Variants in ZBTB11 observed in about 807,000 individuals in gnomAD.
The protein encoded by ZBTB11 is zinc finger and BTB domain-containing protein 11.
ZBTB11 carries 68 observed loss-of-function variants against 113.1 expected under a neutral mutation model. The ratio of observed to expected loss-of-function variants is 0.60; its 90% CI spans 0.49 to 0.74. The LOEUF (loss-of-function observed/expected upper bound fraction) is 0.74. Among genes scored for constraint, ZBTB11 ranks in the 30% least tolerant of loss-of-function variants. ZBTB11 has a pLI of 0.00. For synonymous variants in ZBTB11, 518 were observed against 452.6 expected, an observed-to-expected ratio of 1.14 and a Z score of -1.83; for missense variants, 1,104 against 1,279.4, an observed-to-expected ratio of 0.86 and a Z score of 2.09.
At chr3:101,659,366 T>C (rs1442007604) in intron 6 of ZBTB11, among the ~76,000 whole-genome samples, 3 of 152,224 alleles carry the variant, frequency 2.0e-5, no homozygotes, top group Non-Finnish European at 4.4e-5. Context: ...CCTTGAGTCT[T>C]ATTTTGGCAT....
rs1468128618 is a variant in ZBTB11, at chr3:101,659,617, A to C, written c.2046+166T>G. ...TACAACTTCAGAGAGCAAATTAAAA[A>C]ACACCATAGGGAATCACCTTTGATC... is the stretch of plus-strand genomic sequence containing the variant. On this transcript the variant is annotated intron_variant, in intron 6 of 10. Transcript: ENST00000312938. Among the ~76,000 whole-genome samples, 4 of 152,212 alleles carry C rather than the reference A, an allele frequency of 2.6e-5. No homozygotes were observed. The East Asian group carries it at 7.7e-4, about 29-fold the overall frequency.
chr3:101,653,028 A>T, intron 8 of ZBTB11, 90 bp from the exon 9 acceptor site: 1 of 1,342,016 alleles, frequency 7.5e-7, no homozygotes, highest in Non-Finnish European at 1.0e-6. Context: ...GTTTTTTAGA[A>T]CTCCAAAAGA....
intron 10 of ZBTB11, among the ~76,000 whole-genome samples, chr3:101,652,187 G>A (rs953376910): frequency 2.0e-5 from 3 of 151,650 alleles, no homozygotes; most frequent in Non-Finnish European, 4.4e-5. Flanking sequence ...ATCTTCCTGC[G>A]GACAGATGTG....
chr3:101,660,045 AT>A lies in ZBTB11; in HGVS notation c.1801-18del. 1 of 1,603,752 alleles carries A rather than the reference AT, an allele frequency of 6.2e-7. No homozygotes were observed. The highest frequency in any genetic ancestry group is 1.1e-5 in the South Asian group (1 of 89,968). On this transcript the variant is annotated intron_variant, in intron 5 of 10. Coordinates refer to ENST00000312938, the MANE Select transcript of ZBTB11 (RefSeq NM_014415.4). Reference sequence around the variant, plus strand: ...TTTACACAACTAAAAGAAAAATAAAATTCTCTCTAAATGTATTTCCATTACA... The same window carrying A: ...TTTACACAACTAAAAGAAAAATAAAATCTCTCTAAATGTATTTCCATTACA...
intron 1 of ZBTB11, among the ~76,000 whole-genome samples, chr3:101,673,678 T>C (rs561686386): frequency 1.1e-4 from 17 of 152,180 alleles, no homozygotes; most frequent in African/African-American, 3.6e-4. Context: ...CACACCTGGC[T>C]AATTTTTTGT....
chr3:101,668,521 C>T (rs181842234), intron 3 of ZBTB11, among the ~76,000 whole-genome samples: 26 of 151,406 alleles, frequency 1.7e-4, no homozygotes, highest in Middle Eastern at 3.4e-3. Context: ...CCCACCTACA[C>T]GGGAGGCCAA....
Position 101,664,577 on chromosome 3 carries a change from G to A in ZBTB11, c.1761C>T (p.His587=), listed in dbSNP as rs34474055. ...CTCTAGCTCTTTCATGTTTCAGTTT[G>A]TGCATTATAAGGGCGTATCGTCTCT... ...VFQRRYALIM[H]KLKHERARDY... The change falls in exon 5 of 11, where the codon CAC becomes CAT. Residue 587 remains histidine, a synonymous_variant. Transcript: ENST00000312938. 9.0e-3 allele frequency: 14,499 copies of A among 1,609,808 alleles called. 1,177 individuals carry two copies. The African/African-American group carries it at 0.17, about 19-fold the overall frequency.
chr3:101,656,636 C>T (rs1308017240), intron 6 of ZBTB11, among the ~76,000 whole-genome samples: 1 of 152,086 alleles, frequency 6.6e-6, no homozygotes, highest in Non-Finnish European at 1.5e-5. Context: ...TGATGAAGAA[C>T]TAATTATTTT....
chr3:101,670,932 G>A, intron 3 of ZBTB11, 198 bp downstream of exon 3: 1 of 545,610 alleles, frequency 1.8e-6, no homozygotes, highest in Non-Finnish European at 3.3e-6. Flanking sequence ...TTAAGACGTA[G>A]TGAAAGGAAA....
In ZBTB11 at chr3:101,676,804, G is replaced by A. The variant is rs367563110; in HGVS notation, c.111C>T (p.Ala37=). 1.9e-4 allele frequency: 306 copies of A among 1,612,180 alleles called. 1 individual carries two copies. Among genetic ancestry groups the A allele is most frequent in the Non-Finnish European group, 5.7e-5 (67 of 1,179,594 alleles). Residue 37 remains alanine, a synonymous_variant, in exon 1 of 11, where the codon GCC becomes GCT. Transcript: ENST00000312938. ...GNVKRKIRKA[A]ACYVVRGGTL... is the part of the protein sequence containing the mutation. The stretch of plus-strand genomic sequence containing the variant: ...TCCCGCCGCGCACCACGTAGCAGGC[G>A]GCAGCTTTTCGGATTTTACGCTTGA...
intron 6 of ZBTB11, among the ~76,000 whole-genome samples, chr3:101,657,631 G>A (rs866178671): frequency 6.6e-6 from 1 of 151,984 alleles, no homozygotes; most frequent in Non-Finnish European, 1.5e-5. Context: ...AAGGGTACAT[G>A]AGAGTTCAAC....
chr3:101,666,139 A>C (rs1359115419), intron 3 of ZBTB11, among the ~76,000 whole-genome samples: 6 of 151,740 alleles, frequency 4.0e-5, no homozygotes, highest in Non-Finnish European at 8.8e-5. Flanking sequence ...TGGAGGGTTA[A>C]AAAAAAAGAG....
At chr3:101,672,988 T>C (rs1046194421) in intron 1 of ZBTB11, among the ~76,000 whole-genome samples, 7 of 152,248 alleles carry the variant, frequency 4.6e-5, no homozygotes, top group African/African-American at 1.7e-4. Flanking sequence ...GGAACAGGAC[T>C]ACTACAAAAC....
intron 1 of ZBTB11, 84 bp downstream of exon 1, chr3:101,676,521 C>G (rs1937176845): frequency 2.2e-6 from 3 of 1,353,006 alleles, no homozygotes; most frequent in Admixed American, 3.5e-5. Context: ...CCCTCCGACT[C>G]GTGGGTACGC....
rs1251987599 is a variant in ZBTB11, at chr3:101,664,632, T to A, written c.1706A>T (p.His569Leu). 1 of 1,613,844 alleles carries A rather than the reference T, an allele frequency of 6.2e-7. No homozygotes were observed. The highest frequency in any genetic ancestry group is 8.5e-7 in the Non-Finnish European group (1 of 1,179,946). The change falls in exon 5 of 11, where the codon CAT (histidine) becomes CTT (leucine). Residue 569 changes from histidine to leucine, a missense_variant. By Grantham distance (99) the His-to-Leu change is moderately conservative. Coordinates refer to ENST00000312938, the MANE Select transcript of ZBTB11 (RefSeq NM_014415.4). ...DAKENTEEAS[H>L]KCGECGMVFQ... ...AACCATTCCACATTCCCCACATTTA[T>A]GAGATGCTTCTTCTGTGTTCTCTTT...
intron 7 of ZBTB11, among the ~76,000 whole-genome samples, chr3:101,655,629 A>G (rs1936781779): frequency 6.6e-6 from 1 of 152,208 alleles, no homozygotes; most frequent in African/African-American, 2.4e-5. Flanking sequence ...TATTCCATAC[A>G]CAAACATAGC....
At chr3:101,661,240 A>C (rs577237303) in intron 5 of ZBTB11, among the ~76,000 whole-genome samples, 32 of 143,650 alleles carry the variant, frequency 2.2e-4, no homozygotes, top group African/African-American at 9.2e-4. Flanking sequence ...TCTCAAAAAA[A>C]AAAAAAAAAA....
At chr3:101,655,648 C>G (rs974108497) in intron 7 of ZBTB11, among the ~76,000 whole-genome samples, 12 of 151,606 alleles carry the variant, frequency 7.9e-5, no homozygotes, top group African/African-American at 2.7e-4. Context: ...GCTGTAAAAC[C>G]AGATCTGAGA....
chr3:101,659,970 G>A lies in ZBTB11; in HGVS notation c.1859C>T (p.Thr620Ile), dbSNP rs1269421315. Residue 620 changes from threonine (T) to isoleucine (I), a missense_variant, in exon 6 of 11, where the codon ACC becomes ATC. Thr to Ile is a moderately conservative substitution (Grantham distance 89). Coordinates refer to ENST00000312938, the MANE Select transcript of ZBTB11 (RefSeq NM_014415.4). ...GGATGAAGAGGGTGCATCTTTTCTG[G>A]TATGACGAATAAGATGTGCTCGCAA... ...ASLRAHLIRH[T>I]RKDAPSSSSS... 5 of 1,614,140 alleles carry A rather than the reference G, an allele frequency of 3.1e-6. No individual in the cohort carries two copies. The highest frequency in any genetic ancestry group is 4.2e-6 in the Non-Finnish European group (5 of 1,180,014).
Sources: allele counts gnomAD v4.1 joint callset (sites outside exome capture counted in the v4.1 genomes callset), GRCh38; gene constraint gnomAD v4.1.1; transcripts MANE v1.5; gene names NCBI Gene and HGNC (gene_info 2026-07-23, HGNC 2026-07-21).